Variants in RBFOX1 observed in about 807,000 individuals in gnomAD.
The protein encoded by RBFOX1 is RNA binding protein fox-1 homolog 1.
In RBFOX1, 8 loss-of-function variants were observed where a neutral mutation model predicts 57.7. The ratio of observed to expected loss-of-function variants is 0.14; its 90% CI spans 0.08 to 0.25. The LOEUF (loss-of-function observed/expected upper bound fraction) is 0.25, where lower values mean the gene tolerates loss of function less well. Ranked by LOEUF, RBFOX1 falls within the 10% of genes least tolerant of loss-of-function variation. RBFOX1 has a pLI of 1.00. For synonymous variants in RBFOX1, 326 were observed against 222.4 expected (o/e 1.47, Z -4.15); for missense variants, 611 against 548.5 (o/e 1.11, Z -1.14).
intron 1 of RBFOX1, among the ~76,000 whole-genome samples, chr16:6,215,408 G>T (rs2097329682): frequency 1.4e-5 from 2 of 140,886 alleles, no homozygotes; most frequent in Admixed American, 1.4e-4. Context: ...AACAGGCAGA[G>T]AGGGAGGAGG....
At chr16:7,487,935 T>G (rs958112340) in intron 4 of RBFOX1, among the ~76,000 whole-genome samples, 17 of 152,168 alleles carry the variant, frequency 1.1e-4, no homozygotes, top group African/African-American at 4.1e-4. Flanking sequence ...TGCTCAGGGA[T>G]TCCCACTCTT....
intron 4 of RBFOX1, among the ~76,000 whole-genome samples, chr16:7,458,781 C>T (rs539387629): frequency 2.0e-5 from 3 of 152,276 alleles, no homozygotes; most frequent in East Asian, 3.9e-4. Context: ...AATCAGACCC[C>T]CTCTTCACTC....
chr16:7,240,988 C>T (rs912012396), intron 4 of RBFOX1, among the ~76,000 whole-genome samples: 2 of 152,188 alleles, frequency 1.3e-5, no homozygotes, highest in Non-Finnish European at 2.9e-5. Context: ...CCTTCCCAAA[C>T]AATTCTCTTA....
At chr16:7,399,338 G>C (rs1047726919) in intron 4 of RBFOX1, among the ~76,000 whole-genome samples, 3 of 152,082 alleles carry the variant, frequency 2.0e-5, no homozygotes, top group African/African-American at 7.2e-5. Flanking sequence ...TCGCAGCTAC[G>C]TGGGAGGCTG....
chr16:6,085,990 C>A (rs569869919), intron 1 of RBFOX1, among the ~76,000 whole-genome samples: 1 of 152,102 alleles, frequency 6.6e-6, no homozygotes, highest in African/African-American at 2.4e-5. Flanking sequence ...CAGCCCCCTA[C>A]AGACCCCACT....
chr16:5,386,744 G>C (rs560035633), intron 1 of RBFOX1, among the ~76,000 whole-genome samples: 29 of 152,224 alleles, frequency 1.9e-4, no homozygotes, highest in Middle Eastern at 3.4e-3. Context: ...TAGCTCACCA[G>C]CCGTACTTCT....
At chr16:6,616,953 G>C (rs151266140) in intron 2 of RBFOX1, among the ~76,000 whole-genome samples, 2 of 152,182 alleles carry the variant, frequency 1.3e-5, no homozygotes, top group Admixed American at 6.5e-5. Context: ...TTCCTGCCAC[G>C]ACAGCAGAGT....
At chr16:6,792,832 C>T (rs1035119643) in intron 3 of RBFOX1, among the ~76,000 whole-genome samples, 8 of 152,068 alleles carry the variant, frequency 5.3e-5, no homozygotes, top group East Asian at 1.9e-4. Context: ...AGTTCAAGAC[C>T]AGCCTGGACA....
chr16:7,287,810 A>G (rs1677946817), intron 4 of RBFOX1, among the ~76,000 whole-genome samples: 1 of 152,206 alleles, frequency 6.6e-6, no homozygotes, highest in Admixed American at 6.5e-5. Flanking sequence ...GATTTTACAT[A>G]TATGGGGTAT....
rs547973675 is a variant in RBFOX1, at chr16:6,084,961, A to G, written c.-127+64969A>G. Among the ~76,000 whole-genome samples, 3 of 152,286 alleles carry G rather than the reference A, an allele frequency of 2.0e-5. No individual in the cohort carries two copies. In the East Asian group the frequency reaches 5.8e-4, roughly 29 times the overall value. ...TGAGGAAAAGGAAAAAAAGAGCTTG[A>G]TAGTGATCAGAGTTCATTTGCAGAA... On this transcript the variant is annotated intron_variant, in intron 1 of 15. Transcript: ENST00000550418.
chr16:5,899,962 A>C (rs1389181781), intron 4 of RBFOX1, among the ~76,000 whole-genome samples: 1 of 152,132 alleles, frequency 6.6e-6, no homozygotes, highest in Non-Finnish European at 1.5e-5. Flanking sequence ...CGTCCCAGCT[A>C]CTGGGATGGG....
intron 4 of RBFOX1, among the ~76,000 whole-genome samples, chr16:5,915,897 C>T (rs954272097): frequency 3.3e-5 from 5 of 152,078 alleles, no homozygotes; most frequent in African/African-American, 1.2e-4. Flanking sequence ...TAAAAAATGT[C>T]ATATTAAAAT....
intron 3 of RBFOX1, among the ~76,000 whole-genome samples, chr16:7,042,732 C>A (rs928256162): frequency 6.6e-6 from 1 of 152,150 alleles, no homozygotes; most frequent in African/African-American, 2.4e-5. Flanking sequence ...TCAAGACCAG[C>A]CTGGCCAACA....
chr16:5,962,269 A>G (rs180920577), intron 4 of RBFOX1, among the ~76,000 whole-genome samples: 49 of 152,230 alleles, frequency 3.2e-4, no homozygotes, highest in African/African-American at 1.2e-3. Context: ...CTATTACAGT[A>G]TTTCCCTAAA....
In RBFOX1 at chr16:7,156,182, C is replaced by G. The variant is rs2077084652; in HGVS notation, c.27+104084C>G. Among the ~76,000 whole-genome samples, 3 of 151,654 alleles carry G rather than the reference C, an allele frequency of 2.0e-5. No homozygotes were observed. The South Asian group carries it at 6.2e-4, about 32-fold the overall frequency. On this transcript the variant is annotated intron_variant, in intron 4 of 15. Coordinates refer to ENST00000550418, the MANE Select transcript of RBFOX1 (RefSeq NM_018723.4). ...ACTGTGCCTGGCCGATCCCTCAACT[C>G]TTGATTCCTTTCTCAAGACTTGCTA... is the stretch of plus-strand genomic sequence containing the variant.
At chr16:7,555,426 T>G (rs2088051218) in intron 5 of RBFOX1, among the ~76,000 whole-genome samples, 1 of 152,190 alleles carries the variant, frequency 6.6e-6, no homozygotes, top group Non-Finnish European at 1.5e-5. Flanking sequence ...TGCACGTAGT[T>G]GGGTAAGATG....
At chr16:5,485,066 G>T (rs569234199) in intron 2 of RBFOX1, among the ~76,000 whole-genome samples, 2 of 151,614 alleles carry the variant, frequency 1.3e-5, no homozygotes, top group African/African-American at 4.8e-5. Flanking sequence ...AAAAGTTAAG[G>T]CTGGGCACAG....
chr16:7,532,601 C>T (rs1198439967), intron 5 of RBFOX1, among the ~76,000 whole-genome samples: 1 of 152,164 alleles, frequency 6.6e-6, no homozygotes. Flanking sequence ...GCAGCTCTTC[C>T]TTTTCTCTCT....
chr16:6,932,619 G>C (rs2076745515), intron 3 of RBFOX1, among the ~76,000 whole-genome samples: 1 of 152,156 alleles, frequency 6.6e-6, no homozygotes, highest in African/African-American at 2.4e-5. Flanking sequence ...TCCACAGGCT[G>C]CCCAAACATC....
Sources: allele counts gnomAD v4.1 joint callset (sites outside exome capture counted in the v4.1 genomes callset), GRCh38; gene constraint gnomAD v4.1.1; transcripts MANE v1.5; gene names NCBI Gene and HGNC (gene_info 2026-07-23, HGNC 2026-07-21).